KLRG1: variants seen among roughly 807,000 people sequenced by gnomAD.
KLRG1 encodes the protein killer cell lectin like receptor G1, also known as killer cell lectin-like receptor subfamily G member 1.
Under a neutral mutation model 21.8 loss-of-function variants are expected in KLRG1, and 16 were observed. The ratio of observed to expected loss-of-function variants is 0.73; its 90% CI spans 0.50 to 1.11. The LOEUF is 1.11. KLRG1 is among the 50% of genes most tolerant of loss of function. The pLI is 0.00. For missense variants in KLRG1, 173 were observed against 218.3 expected (o/e 0.79, Z 1.31); for synonymous variants, 69 against 75.9 (o/e 0.91, Z 0.47).
the KLRG1 span, chr12:9,182,083 C>T: frequency 2.5e-6 from 4 of 1,613,748 alleles, no homozygotes; most frequent in African/African-American, 2.7e-5. Context: ...CAACGTCTGA[C>T]TCCACAGGGA....
chr12:9,021,403 CT>C, the KLRG1 span, among the ~76,000 whole-genome samples: 169 of 137,714 alleles, frequency 1.2e-3, no homozygotes, highest in Middle Eastern at 3.6e-3. Context: ...CTTTTTTACT[CT>C]TTTTTTTTTT....
the KLRG1 span, among the ~76,000 whole-genome samples, chr12:9,137,459 G>C: frequency 6.6e-6 from 1 of 152,056 alleles, no homozygotes; most frequent in African/African-American, 2.4e-5. Context: ...TAGGAAGTGT[G>C]AGTCCTCCAG....
chr12:8,992,133 T>C, intron 1 of KLRG1, 73 bp from the exon 2 acceptor site: 1 of 1,292,902 alleles, frequency 7.7e-7, no homozygotes, highest in Non-Finnish European at 1.1e-6. Context: ...AGATGCGATA[T>C]CCTTCCCTGA....
At chr12:8,966,538 A>G (rs1407993977) in intron 1 of KLRG1, among the ~76,000 whole-genome samples, 1 of 152,244 alleles carries the variant, frequency 6.6e-6, no homozygotes, top group African/African-American at 2.4e-5. Context: ...ATGAACAGAC[A>G]CTTCTCAAAA....
the KLRG1 span, among the ~76,000 whole-genome samples, chr12:9,133,976 G>C: frequency 1.3e-5 from 2 of 152,176 alleles, no homozygotes; most frequent in African/African-American, 4.8e-5. Flanking sequence ...GGCCTCAGAA[G>C]AAAAACAGAA....
chr12:9,162,642 C>T, the KLRG1 span: 21 of 1,592,468 alleles, frequency 1.3e-5, no homozygotes, highest in Admixed American at 3.3e-5. Flanking sequence ...TGCTCAATAC[C>T]TTCAGCCTTG....
At chr12:8,990,619 A>G (rs1157575987) in intron 1 of KLRG1, among the ~76,000 whole-genome samples, 2 of 152,068 alleles carry the variant, frequency 1.3e-5, no homozygotes, top group East Asian at 1.9e-4. Context: ...AATTGTATCT[A>G]TGTTAATTTC....
the KLRG1 span, among the ~76,000 whole-genome samples, chr12:9,163,410 A>C: frequency 1.3e-5 from 2 of 151,528 alleles, no homozygotes. Flanking sequence ...CCGAGATCGC[A>C]ACACTGCACT....
chr12:9,135,527 G>A, the KLRG1 span: 1 of 355,050 alleles, frequency 2.8e-6, no homozygotes. Flanking sequence ...TGAATAAACT[G>A]TAAGGACGAA....
At chr12:9,089,968 C>T in the KLRG1 span, 4 of 1,611,616 alleles carry the variant, frequency 2.5e-6, no homozygotes, top group Non-Finnish European at 3.4e-6. Context: ...GCACCTCAGT[C>T]CCACACAGCT....
the KLRG1 span, chr12:9,074,440 T>G: frequency 1.0e-6 from 1 of 996,948 alleles, no homozygotes; most frequent in East Asian, 2.6e-5. Flanking sequence ...TACTGAAAAC[T>G]TTTCCTCATT....
chr12:9,146,030 T>G, the KLRG1 span, among the ~76,000 whole-genome samples: 5 of 152,202 alleles, frequency 3.3e-5, no homozygotes, highest in Non-Finnish European at 7.3e-5. Flanking sequence ...GGGTTCATCT[T>G]ACTTAGTTAT....
At chr12:9,211,028 G>C in the KLRG1 span, among the ~76,000 whole-genome samples, 1 of 152,176 alleles carries the variant, frequency 6.6e-6, no homozygotes, top group African/African-American at 2.4e-5. Flanking sequence ...ATTGTTGTAT[G>C]AGAGGCATGT....
chr12:9,082,045 C>G, the KLRG1 span, among the ~76,000 whole-genome samples: 1 of 152,148 alleles, frequency 6.6e-6, no homozygotes, highest in African/African-American at 2.4e-5. Flanking sequence ...TGCCAGTGAC[C>G]CCACCCAGGT....
At chr12:9,124,238 T>G in the KLRG1 span, among the ~76,000 whole-genome samples, 2 of 152,194 alleles carry the variant, frequency 1.3e-5, no homozygotes, top group Non-Finnish European at 2.9e-5. Context: ...TGGGATACCA[T>G]TGATGGTAGC....
chr12:8,981,545 G>A (rs915127576), intron 1 of KLRG1, among the ~76,000 whole-genome samples: 11 of 151,222 alleles, frequency 7.3e-5, no homozygotes, highest in African/African-American at 1.5e-4. Flanking sequence ...TTTAATTTCC[G>A]AATATTTAGG....
chr12:9,043,958 T>G, the KLRG1 span, among the ~76,000 whole-genome samples: 11 of 152,188 alleles, frequency 7.2e-5, no homozygotes, highest in Non-Finnish European at 1.0e-4. Context: ...CAGTGGAGTC[T>G]CCACGTGACT....
At chr12:9,010,955 C>G (rs1947623510), downstream of KLRG1, among the ~76,000 whole-genome samples, 1 of 152,184 alleles carries the variant, frequency 6.6e-6, no homozygotes, top group Admixed American at 6.5e-5. Context: ...CCCTAGTGAT[C>G]TCTTCCCTTT....
chr12:8,983,636 GGTGATCCAT>G (rs1488701491), intron 1 of KLRG1, among the ~76,000 whole-genome samples: 3 of 152,120 alleles, frequency 2.0e-5, no homozygotes, highest in African/African-American at 7.2e-5. Context: ...GGTGAGCTCA[GGTGATCCAT>G]GTGCCTTGGT....
Sources: gnomAD v4.1 joint callset for allele counts (sites outside exome capture counted in the v4.1 genomes callset) on GRCh38, gnomAD v4.1.1 for gene constraint, MANE v1.5 for transcripts, NCBI Gene and HGNC (gene_info 2026-07-23, HGNC 2026-07-21) for gene names.